The following GRIA1 variants were observed in gnomAD, a reference collection of about 807,000 sequenced individuals.
GRIA1 encodes the protein glutamate ionotropic receptor AMPA type subunit 1.
In GRIA1, 31 loss-of-function variants were observed where a neutral mutation model predicts 99.2. The ratio of observed to expected loss-of-function variants is 0.31; its 90% CI spans 0.23 to 0.42. The LOEUF (loss-of-function observed/expected upper bound fraction) is 0.42. Among genes scored for constraint, GRIA1 ranks in the 10% least tolerant of loss-of-function variants. GRIA1 has a pLI of 1.00. For missense variants in GRIA1, 782 were observed against 1,157.5 expected (o/e 0.68, Z 4.71); for synonymous variants, 438 against 432.4 (o/e 1.01, Z -0.16).
intron 2 of GRIA1, among the ~76,000 whole-genome samples, chr5:153,622,175 C>A (rs969571370): frequency 6.6e-6 from 1 of 152,290 alleles, no homozygotes; most frequent in South Asian, 2.1e-4. Context: ...GGAGGTGGAG[C>A]CCAGCAGGCT....
chr5:153,575,463 T>A (rs1463433281), intron 2 of GRIA1, among the ~76,000 whole-genome samples: 1 of 152,218 alleles, frequency 6.6e-6, no homozygotes, highest in Non-Finnish European at 1.5e-5. Flanking sequence ...CACTTCAGGT[T>A]TTTGAAATTT....
At position 153,791,363 on chromosome 5, in the gene GRIA1, T is replaced by C. The variant is rs935965913; in HGVS notation, c.2271-3258T>C. 3.9e-5 allele frequency among the ~76,000 whole-genome samples: 6 copies of C among 152,160 alleles called. 1 individual carries two copies. In the South Asian group the frequency reaches 1.2e-3, roughly 32 times the overall value. On this transcript the variant is annotated intron_variant, in intron 13 of 15. Transcript: ENST00000285900. ...AGTTGTGAATTAGCATCTTATGAAA[T>C]GGCATAAGATGAGGCTTTTCTTATT...
intron 11 of GRIA1, among the ~76,000 whole-genome samples, chr5:153,713,127 C>T (rs1288906795): frequency 2.6e-5 from 4 of 152,172 alleles, no homozygotes; most frequent in Non-Finnish European, 4.4e-5. Context: ...GCCCAGGGTC[C>T]GCCAGCTCAC....
At chr5:153,756,021 C>T (rs1221212046) in intron 11 of GRIA1, among the ~76,000 whole-genome samples, 3 of 152,258 alleles carry the variant, frequency 2.0e-5, no homozygotes, top group Non-Finnish European at 4.4e-5. Flanking sequence ...CACCTTCGTG[C>T]CTCTGCAGAA....
intron 10 of GRIA1, among the ~76,000 whole-genome samples, chr5:153,701,758 C>G (rs1340224319): frequency 6.6e-6 from 1 of 151,840 alleles, no homozygotes; most frequent in Non-Finnish European, 1.5e-5. Context: ...AGAAGCATCT[C>G]TCAACCACCA....
chr5:153,669,331 A>C (rs903892835), intron 5 of GRIA1, among the ~76,000 whole-genome samples: 1 of 152,218 alleles, frequency 6.6e-6, no homozygotes, highest in African/African-American at 2.4e-5. Context: ...TAATGCATAC[A>C]AAGGGGCATT....
rs1044834707 is a variant in GRIA1, at chr5:153,492,119, G to A, written c.82+1149G>A. 42 of 1,410,648 alleles carry A rather than the reference G, an allele frequency of 3.0e-5. No homozygotes were observed. In the Middle Eastern group the frequency reaches 6.7e-4, roughly 23 times the overall value. The allele number at this position is 1,410,648 out of a possible 1,614,324, so 87.4% of individuals were successfully genotyped here. On this transcript the variant is annotated intron_variant, in intron 1 of 15. Coordinates refer to ENST00000285900, the MANE Select transcript of GRIA1 (RefSeq NM_000827.4). ...GAGATAGCTCCACTAGGGAAAGTTC[G>A]CATTGCTGGGAGTTTGTGCTCTTTT...
chr5:153,710,049 C>G (rs1212808837), intron 11 of GRIA1, among the ~76,000 whole-genome samples: 1 of 152,104 alleles, frequency 6.6e-6, no homozygotes, highest in Non-Finnish European at 1.5e-5. Context: ...TTAAAGACTC[C>G]TCCACCCACC....
At position 153,697,277 on chromosome 5, in the gene GRIA1, G is replaced by A. The variant is rs17115067; in HGVS notation, c.1135-767G>A. ...TGTCTTCCCATGGTAGACCAGAGGC[G>A]TTCTCAGAGCAAGCCCTATCTCTCA... On this transcript the variant is annotated intron_variant, in intron 8 of 15. Coordinates refer to ENST00000285900, the MANE Select transcript of GRIA1 (RefSeq NM_000827.4). 5.9e-4 allele frequency among the ~76,000 whole-genome samples: 90 copies of A among 152,310 alleles called. No homozygotes were observed. In the East Asian group the frequency reaches 0.014, roughly 24 times the overall value.
chr5:153,563,174 CAA>C (rs1167715880), intron 2 of GRIA1, among the ~76,000 whole-genome samples: 80 of 89,400 alleles, frequency 8.9e-4, no homozygotes, highest in African/African-American at 2.2e-3. Flanking sequence ...GACTCTGTCT[CAA>C]AAAAAAAAAA....
intron 2 of GRIA1, among the ~76,000 whole-genome samples, chr5:153,514,430 C>T (rs1756413867): frequency 2.6e-5 from 4 of 152,208 alleles, no homozygotes; most frequent in Admixed American, 1.3e-4. Context: ...TTTCCGGCAC[C>T]ATTTATTGAA....
intron 11 of GRIA1, among the ~76,000 whole-genome samples, chr5:153,738,950 G>A (rs1014407534): frequency 2.6e-5 from 4 of 151,736 alleles, no homozygotes; most frequent in African/African-American, 7.3e-5. Flanking sequence ...TCGAACTCCC[G>A]ACCTCAGGTG....
At chr5:153,678,486 C>A (rs1463637332) in intron 7 of GRIA1, among the ~76,000 whole-genome samples, 1 of 152,136 alleles carries the variant, frequency 6.6e-6, no homozygotes, top group African/African-American at 2.4e-5. Flanking sequence ...TGCAGGGTGG[C>A]TCCCAAGTCA....
intron 13 of GRIA1, among the ~76,000 whole-genome samples, chr5:153,789,782 T>C (rs1461505216): frequency 6.6e-6 from 1 of 152,266 alleles, no homozygotes; most frequent in Non-Finnish European, 1.5e-5. Context: ...AGAAGTTTAC[T>C]GATTTACCTA....
In GRIA1 at chr5:153,705,816, C is replaced by T; in HGVS notation, c.1572C>T (p.Ser524=). ...ISIMIKKPQK[S]KPGVFSFLDP... is the part of the protein sequence containing the mutation. ...TCATGATTAAAAAACCACAGAAATC[C>T]AAGCCGGGTGTCTTCTCCTTCCTTG... Residue 524 remains serine (S), a synonymous_variant, in exon 11 of 16, where the codon TCC becomes TCT. Transcript: ENST00000285900. 2 of 1,613,816 alleles carry T rather than the reference C, an allele frequency of 1.2e-6. No homozygotes were observed. The highest frequency in any genetic ancestry group is 1.7e-6 in the Non-Finnish European group (2 of 1,179,944).
chr5:153,699,386 G>A (rs964549350), intron 10 of GRIA1, among the ~76,000 whole-genome samples: 1 of 152,166 alleles, frequency 6.6e-6, no homozygotes, highest in Admixed American at 6.5e-5. Context: ...AAAGTCACTT[G>A]TGGCTCTCTC....
intron 10 of GRIA1, among the ~76,000 whole-genome samples, chr5:153,699,701 T>C (rs1428389069): frequency 4.6e-5 from 7 of 152,178 alleles, no homozygotes; most frequent in Non-Finnish European, 8.8e-5. Context: ...TTTTTAATGG[T>C]TTACCCTGCC....
chr5:153,705,874 GT>G lies in GRIA1; in HGVS notation c.1635del (p.Phe545LeufsTer6). 1 of 1,613,862 alleles carries G rather than the reference GT, an allele frequency of 6.2e-7. No homozygotes were observed. Among genetic ancestry groups the G allele is most frequent in the Non-Finnish European group, 8.5e-7 (1 of 1,179,956 alleles). On this transcript the variant is annotated frameshift_variant, in exon 11 of 16. Transcript: ENST00000285900. LOFTEE classifies it high-confidence loss of function. ...PLAYEIWMCI[V>X]FAYIGVSVVL... ...GGCTTATGAGATTTGGATGTGCATT[GT>G]TTTTGCCTACATTGGAGTGAGTGTT...
At chr5:153,638,313 G>A (rs184849714) in intron 2 of GRIA1, among the ~76,000 whole-genome samples, 1 of 152,326 alleles carries the variant, frequency 6.6e-6, no homozygotes, top group East Asian at 1.9e-4. Context: ...TTAATACTCA[G>A]TGTTTAGATG....
Sources: gnomAD v4.1 joint callset for allele counts (sites outside exome capture counted in the v4.1 genomes callset) on GRCh38, gnomAD v4.1.1 for gene constraint, MANE v1.5 for transcripts, NCBI Gene and HGNC (gene_info 2026-07-23, HGNC 2026-07-21) for gene names.